The following SLC6A6 variants were observed in gnomAD, a reference collection of about 807,000 sequenced individuals.
The protein encoded by SLC6A6 is sodium- and chloride-dependent taurine transporter.
A neutral mutation model predicts 68.8 loss-of-function variants in SLC6A6; 16 were observed. That is an observed-to-expected ratio of 0.23 (90% confidence interval 0.16 to 0.35). SLC6A6 has a LOEUF of 0.35. SLC6A6 is among the 10% of genes least tolerant of loss of function. SLC6A6 has a pLI of 1.00. For synonymous variants in SLC6A6, 312 were observed against 315.4 expected (o/e 0.99, Z 0.12); for missense variants, 474 against 802.8 (o/e 0.59, Z 4.95).
intron 6 of SLC6A6, among the ~76,000 whole-genome samples, chr3:14,464,827 C>T (rs1184729618): frequency 6.6e-6 from 1 of 152,236 alleles, no homozygotes; most frequent in Admixed American, 6.5e-5. Flanking sequence ...CCAAGGTCCC[C>T]TGATCCCCAG....
At chr3:14,470,179 C>T (rs917832227) in intron 9 of SLC6A6, among the ~76,000 whole-genome samples, 5 of 152,166 alleles carry the variant, frequency 3.3e-5, no homozygotes, top group Admixed American at 1.3e-4. Flanking sequence ...CCATGGACAA[C>T]GAAGTATTTT....
chr3:14,480,949 G>A (rs2124998761), intron 13 of SLC6A6, among the ~76,000 whole-genome samples: 1 of 152,352 alleles, frequency 6.6e-6, no homozygotes, highest in East Asian at 1.9e-4. Context: ...AACAGGGCAA[G>A]GCTCAGGTGC....
chr3:14,485,673 G>C lies in SLC6A6; in HGVS notation c.*666G>C, dbSNP rs898122869. The stretch of plus-strand genomic sequence containing the variant: ...GGAATGAACCAACCCTTCACATAAA[G>C]GAGACTGGCTGAAGCTGAATGAGGA... On this transcript the variant is annotated 3_prime_UTR_variant, in exon 15 of 15. Coordinates refer to ENST00000622186, the MANE Select transcript of SLC6A6 (RefSeq NM_003043.6). 1 of 152,664 alleles carries C rather than the reference G, an allele frequency of 6.6e-6. No individual in the cohort carries two copies. The allele number at this position is 152,664 out of a possible 1,614,324, so 9.5% of individuals were successfully genotyped here.
At chr3:14,425,012 A>G (rs1294237079) in intron 2 of SLC6A6, among the ~76,000 whole-genome samples, 1 of 152,192 alleles carries the variant, frequency 6.6e-6, no homozygotes, top group African/African-American at 2.4e-5. Flanking sequence ...CTCTCTCTGC[A>G]CTTAGCTGGA....
intron 2 of SLC6A6, among the ~76,000 whole-genome samples, chr3:14,417,469 C>T (rs770588966): frequency 4.6e-5 from 7 of 152,206 alleles, no homozygotes; most frequent in African/African-American, 7.2e-5. Context: ...CCGTGGCTCA[C>T]GCCTGGGATC....
At chr3:14,441,325 A>G (rs1699979396) in intron 2 of SLC6A6, among the ~76,000 whole-genome samples, 1 of 151,976 alleles carries the variant, frequency 6.6e-6, no homozygotes, top group Non-Finnish European at 1.5e-5. Flanking sequence ...CCAGCCCACA[A>G]TGGGCTGCCC....
intron 2 of SLC6A6, among the ~76,000 whole-genome samples, chr3:14,419,780 C>G (rs1482406568): frequency 6.6e-6 from 1 of 151,880 alleles, no homozygotes; most frequent in Non-Finnish European, 1.5e-5. Flanking sequence ...CTCATTTTAT[C>G]CCCCAAGGTG....
chr3:14,439,732 A>T (rs1370634687), intron 2 of SLC6A6, among the ~76,000 whole-genome samples: 1 of 152,170 alleles, frequency 6.6e-6, no homozygotes. Flanking sequence ...CTGAGTACTC[A>T]CTGCGCAGCG....
chr3:14,423,132 T>C (rs1699519756), intron 2 of SLC6A6, among the ~76,000 whole-genome samples: 1 of 152,136 alleles, frequency 6.6e-6, no homozygotes. Flanking sequence ...GTAATGGGCA[T>C]TTGCTTTGGA....
At chr3:14,418,329 C>T (rs1033568642) in intron 2 of SLC6A6, among the ~76,000 whole-genome samples, 2 of 152,156 alleles carry the variant, frequency 1.3e-5, no homozygotes, top group Non-Finnish European at 2.9e-5. Context: ...ACTAGGCAAG[C>T]GTTTGTTTGT....
Position 14,458,187 on chromosome 3 carries a change from GC to G in SLC6A6, c.732+107del. The G allele has an allele frequency of 3.8e-6, 4 of 1,041,944 alleles. No homozygotes were observed. In the South Asian group the frequency reaches 5.1e-5, roughly 13 times the overall value. 64.5% of individuals were successfully genotyped at this position (1,041,944 alleles called of 1,614,324 possible). A position where few individuals can be genotyped will look rare whatever the true frequency, so the allele number is the denominator to read the frequency against. On this transcript the variant is annotated intron_variant, in intron 6 of 14. Coordinates refer to ENST00000622186, the MANE Select transcript of SLC6A6 (RefSeq NM_003043.6). ...TTAGCCACGCCCCAAGAGGGAGGTG[GC>G]CAGTGGTGGCGTGCTGGTAAGCCCG...
rs974566918 is a variant in SLC6A6 at position 14,447,591 on chromosome 3, A to T, written c.374A>T (p.Tyr125Phe). The T allele has an allele frequency of 6.2e-7, 1 of 1,614,110 alleles. No individual in the cohort carries two copies. Among genetic ancestry groups the T allele is most frequent in the African/African-American group, 1.3e-5 (1 of 74,932 alleles). Residue 125 changes from tyrosine (Y) to phenylalanine (F), a missense_variant, in exon 5 of 15, where the codon TAT (tyrosine) becomes TTT (phenylalanine). Tyr to Phe is a conservative substitution (Grantham distance 22, BLOSUM62 3). Transcript: ENST00000622186. ...KICPLFSGIG[Y>F]ASVVIVSLLN... ...TTTGCCCAACCTGCAGGTATCGGCT[A>T]TGCCTCCGTTGTAATTGTGTCCCTC...
Position 14,485,976 on chromosome 3 carries a change from C to T in SLC6A6, c.*969C>T, listed in dbSNP as rs1278120945. The stretch of plus-strand genomic sequence containing the variant: ...CCCGGCAGGAGCTGGGGTCTCAGGG[C>T]TCAGATGAGTCTGTTGCATTTGAAT... On this transcript the variant is annotated 3_prime_UTR_variant, in exon 15 of 15. Coordinates refer to ENST00000622186, the MANE Select transcript of SLC6A6 (RefSeq NM_003043.6). 6.5e-6 allele frequency: 1 copy of T among 152,688 alleles called. No homozygotes were observed. The highest frequency in any genetic ancestry group is 1.9e-4 in the East Asian group (1 of 5,196). 9.5% of individuals were successfully genotyped at this position (152,688 alleles called of 1,614,324 possible). A position where few individuals can be genotyped will look rare whatever the true frequency, so the allele number is the denominator to read the frequency against.
intron 1 of SLC6A6, among the ~76,000 whole-genome samples, chr3:14,403,650 G>A (rs1159772252): frequency 1.3e-5 from 2 of 152,362 alleles, no homozygotes; most frequent in African/African-American, 4.8e-5. Context: ...TGGGACCAAG[G>A]CCCGGAGGGG....
In SLC6A6 at chr3:14,478,680, G is replaced by A. The variant is rs1386973250; in HGVS notation, c.1450+112G>A. On this transcript the variant is annotated intron_variant, in intron 12 of 14. Transcript: ENST00000622186. ...GAAATTCAATTTGAGTTGAACAGTA[G>A]GCCCTCCCTACCTAGACTACACAAA... 4.0e-6 allele frequency: 3 copies of A among 744,814 alleles called. No homozygotes were observed. The African/African-American group carries it at 5.2e-5, about 13-fold the overall frequency. 46.1% of individuals were successfully genotyped at this position (744,814 alleles called of 1,614,324 possible). A position where few individuals can be genotyped will look rare whatever the true frequency, so the allele number is the denominator to read the frequency against.
intron 9 of SLC6A6, among the ~76,000 whole-genome samples, chr3:14,471,196 C>G (rs1360569583): frequency 6.7e-6 from 1 of 150,116 alleles, no homozygotes; most frequent in Non-Finnish European, 1.5e-5. Context: ...CTTCTCAGAC[C>G]CACAGGTCTC....
chr3:14,451,199 AT>A (rs1417006506), intron 5 of SLC6A6, among the ~76,000 whole-genome samples: 10 of 152,184 alleles, frequency 6.6e-5, no homozygotes, highest in Admixed American at 6.5e-4. Flanking sequence ...GGCAGAAAGG[AT>A]TGAGACTATT....
At chr3:14,467,704 C>T (rs1700652745) in intron 7 of SLC6A6, 149 bp from the exon 8 acceptor site, 1 of 603,934 alleles carries the variant, frequency 1.7e-6, no homozygotes, top group South Asian at 2.0e-5. Flanking sequence ...TTGAAAGGCA[C>T]CTTGGATTCG....
intron 5 of SLC6A6, among the ~76,000 whole-genome samples, chr3:14,452,383 C>T (rs1027043184): frequency 3.3e-5 from 5 of 152,212 alleles, no homozygotes; most frequent in African/African-American, 7.2e-5. Flanking sequence ...CAGGGGGCCA[C>T]GGGACACTGA....
Sources: allele counts gnomAD v4.1 joint callset (sites outside exome capture counted in the v4.1 genomes callset), GRCh38; gene constraint gnomAD v4.1.1; transcripts MANE v1.5; gene names NCBI Gene and HGNC (gene_info 2026-07-23, HGNC 2026-07-21).